Variants in TANC1 observed in about 807,000 individuals in gnomAD.
TANC1 encodes the protein protein TANC1.
Under a neutral mutation model 149.7 loss-of-function variants are expected in TANC1, and 77 were observed. That is an observed-to-expected ratio of 0.51 (90% CI 0.43 to 0.62). The LOEUF is 0.62. TANC1 is among the 20% of genes least tolerant of loss of function. The pLI is 0.00. For missense variants in TANC1, 1,985 were observed against 2,321.8 expected (o/e 0.85, Z 2.98); for synonymous variants, 854 against 925.0 (o/e 0.92, Z 1.39).
intron 2 of TANC1, among the ~76,000 whole-genome samples, chr2:159,047,765 A>T (rs1317761419): frequency 1.3e-5 from 2 of 152,120 alleles, no homozygotes; most frequent in Non-Finnish European, 2.9e-5. Flanking sequence ...TGTCATCAGG[A>T]CCTCCTGAGG....
intron 11 of TANC1, 38 bp downstream of exon 11, chr2:159,172,310 G>C: frequency 6.3e-7 from 1 of 1,593,430 alleles, no homozygotes. Flanking sequence ...TCCACATAGA[G>C]AGATTTGCTG....
intron 1 of TANC1, among the ~76,000 whole-genome samples, chr2:158,990,692 G>A (rs1186720645): frequency 1.3e-5 from 2 of 152,206 alleles, no homozygotes; most frequent in African/African-American, 4.8e-5. Flanking sequence ...GGATGGAACA[G>A]TGTGAAGTAG....
chr2:159,039,018 C>T (rs1000016670), intron 2 of TANC1, among the ~76,000 whole-genome samples: 3 of 152,194 alleles, frequency 2.0e-5, no homozygotes, highest in African/African-American at 7.2e-5. Flanking sequence ...ATTATTGCCT[C>T]AATTTCATAG....
At chr2:159,192,373 T>G (rs1469848086) in intron 16 of TANC1, among the ~76,000 whole-genome samples, 1 of 152,144 alleles carries the variant, frequency 6.6e-6, no homozygotes, top group Non-Finnish European at 1.5e-5. Flanking sequence ...GGTCTCAAAC[T>G]CCTGGGCTCA....
chr2:159,156,471 T>C (rs372681176), intron 7 of TANC1, among the ~76,000 whole-genome samples: 10 of 152,224 alleles, frequency 6.6e-5, no homozygotes, highest in African/African-American at 2.4e-4. Context: ...TGGCGCCTAC[T>C]GTGTACCAGG....
intron 4 of TANC1, among the ~76,000 whole-genome samples, chr2:159,126,379 T>C (rs1318271683): frequency 6.6e-6 from 1 of 152,210 alleles, no homozygotes; most frequent in Non-Finnish European, 1.5e-5. Flanking sequence ...TGAGGCTTAT[T>C]ACAATCTGGC....
rs775732379 is a variant in TANC1, at chr2:159,229,854, G to A, written c.4428G>A (p.Arg1476=). The stretch of plus-strand genomic sequence containing the variant: ...AAGAATCTGTTTCCCCAACTCCCAG[G>A]TCCCAGCCATCCTCATCTGTCCCTT... The part of the protein sequence containing the change: ...PQEESVSPTP[R]SQPSSSVPSS... The change falls in exon 27 of 27, where the codon AGG becomes AGA. Residue 1476 remains arginine, a synonymous_variant. Transcript: ENST00000263635. 1 of 1,614,092 alleles carries A rather than the reference G, an allele frequency of 6.2e-7. No individual in the cohort carries two copies. The highest frequency in any genetic ancestry group is 1.7e-5 in the Admixed American group (1 of 60,016).
chr2:159,219,529 C>A, intron 21 of TANC1, 163 bp from the exon 22 acceptor site: 4 of 1,235,018 alleles, frequency 3.2e-6, no homozygotes, highest in South Asian at 1.4e-5. Flanking sequence ...TATTCCTCTT[C>A]AGCAGCGATG....
chr2:159,228,428 C>CT (rs11411035), intron 25 of TANC1: 88,670 of 247,206 alleles, frequency 0.36, 19,981 homozygotes, highest in Non-Finnish European at 0.51. Context: ...TACTTCCTAC[C>CT]TTTTTTTTAA....
chr2:159,078,544 T>C (rs766314698), intron 3 of TANC1, among the ~76,000 whole-genome samples: 12 of 152,222 alleles, frequency 7.9e-5, no homozygotes, highest in Non-Finnish European at 1.5e-4. Context: ...GGAGGTCAGC[T>C]CTCTTTATTT....
chr2:159,101,915 G>A lies in TANC1; in HGVS notation c.259+4081G>A, dbSNP rs1011434311. On this transcript the variant is annotated intron_variant, in intron 4 of 26. Coordinates refer to ENST00000263635, the MANE Select transcript of TANC1 (RefSeq NM_033394.3). ...GATACTGCCCTACTCCTTGTATGGA[G>A]ACACTGGAGAGTGCCGGCCACTTCC... 2.6e-5 allele frequency among the ~76,000 whole-genome samples: 4 copies of A among 152,166 alleles called. 1 individual carries two copies. Among genetic ancestry groups the A allele is most frequent in the South Asian group, 4.1e-4 (2 of 4,820 alleles).
intron 4 of TANC1, among the ~76,000 whole-genome samples, chr2:159,103,361 C>A (rs1383560469): frequency 4.2e-5 from 4 of 95,638 alleles, no homozygotes; most frequent in African/African-American, 1.2e-4. Context: ...ATTTCATATT[C>A]CCCCCAGCAT....
intron 3 of TANC1, among the ~76,000 whole-genome samples, chr2:159,079,070 G>A (rs552446207): frequency 1.3e-5 from 2 of 152,154 alleles, no homozygotes; most frequent in South Asian, 4.2e-4. Flanking sequence ...TTTATATTGG[G>A]GGTTTTTGGT....
intron 19 of TANC1, among the ~76,000 whole-genome samples, chr2:159,211,250 TG>T (rs1172975403): frequency 6.6e-6 from 1 of 152,264 alleles, no homozygotes; most frequent in Non-Finnish European, 1.5e-5. Context: ...TGCTGAGGTA[TG>T]TGCTTTCATG....
At chr2:159,078,518 C>T (rs904038345) in intron 3 of TANC1, among the ~76,000 whole-genome samples, 4 of 152,158 alleles carry the variant, frequency 2.6e-5, no homozygotes, top group Non-Finnish European at 5.9e-5. Context: ...TAAGAGGTTA[C>T]AAAGCAATAT....
At chr2:159,139,327 G>A (rs1032216697) in intron 5 of TANC1, among the ~76,000 whole-genome samples, 3 of 152,092 alleles carry the variant, frequency 2.0e-5, no homozygotes, top group African/African-American at 4.8e-5. Context: ...TAGGAAAAAC[G>A]GATGACTTAA....
intron 2 of TANC1, among the ~76,000 whole-genome samples, chr2:159,057,470 C>T (rs1417483030): frequency 6.6e-6 from 1 of 152,224 alleles, no homozygotes; most frequent in Non-Finnish European, 1.5e-5. Context: ...TAACCCAACA[C>T]TCATTCCTTA....
chr2:159,050,958 C>T (rs1217632505), intron 2 of TANC1, among the ~76,000 whole-genome samples: 2 of 152,126 alleles, frequency 1.3e-5, no homozygotes, highest in Non-Finnish European at 1.5e-5. Context: ...TGCATAAAAA[C>T]AAGAATCAGA....
At chr2:159,076,802 C>T (rs2043728267) in intron 3 of TANC1, among the ~76,000 whole-genome samples, 3 of 152,176 alleles carry the variant, frequency 2.0e-5, no homozygotes, top group African/African-American at 4.8e-5. Context: ...CAAAGATGGA[C>T]TCAGAGTGTA....
Sources: allele counts gnomAD v4.1 joint callset (sites outside exome capture counted in the v4.1 genomes callset), GRCh38; gene constraint gnomAD v4.1.1; transcripts MANE v1.5; gene names NCBI Gene and HGNC (gene_info 2026-07-23, HGNC 2026-07-21).